Variants in TRPM5 observed in about 807,000 individuals in gnomAD.
TRPM5 encodes transient receptor potential cation channel subfamily M member 5, also known as MLSN1 and TRP-related.
In TRPM5, 121 loss-of-function variants were observed where a neutral mutation model predicts 124.9. That is an observed-to-expected ratio of 0.97 (90% CI 0.84 to 1.13). The LOEUF (loss-of-function observed/expected upper bound fraction) is 1.13. TRPM5 is among the 50% of genes most tolerant of loss of function. The pLI is 0.00. For synonymous variants in TRPM5, 781 were observed against 700.5 expected, an observed-to-expected ratio of 1.11 and a Z score of -1.81; for missense variants, 1,643 against 1,589.1, an observed-to-expected ratio of 1.03 and a Z score of -0.58.
chr11:2,415,118 C>T lies in TRPM5; in HGVS notation c.1479+3G>A. The T allele has an allele frequency of 3.8e-6, 6 of 1,568,670 alleles. No individual in the cohort carries two copies. The East Asian group carries it at 1.2e-4, about 30-fold the overall frequency. ...CCTCCATCCCCACGGAGCCCCCGCT[C>T]ACCGCCCTCCTGCGGTCCCCTGGCC... On this transcript the variant is annotated splice_donor_region_variant and intron_variant, in intron 9 of 23. Coordinates refer to ENST00000155858, the Ensembl canonical transcript of TRPM5.
chr11:2,439,999 T>C, the TRPM5 span, among the ~76,000 whole-genome samples: 2 of 152,106 alleles, frequency 1.3e-5, no homozygotes, highest in Non-Finnish European at 2.9e-5. Flanking sequence ...TATGCAGCCA[T>C]GAAAAAGAAT....
the TRPM5 span, among the ~76,000 whole-genome samples, chr11:2,430,134 C>T: frequency 6.6e-6 from 1 of 152,198 alleles, no homozygotes; most frequent in Non-Finnish European, 1.5e-5. Flanking sequence ...CCTTCCATGG[C>T]TCCCTATTAC....
chr11:2,417,578 A>G, intron 7 of TRPM5, 149 bp downstream of exon 12: 1 of 606,296 alleles, frequency 1.6e-6, no homozygotes, highest in Non-Finnish European at 2.9e-6. Context: ...TGCCAAATAC[A>G]GACAGCTTCA....
intron 8 of TRPM5, 98 bp downstream of exon 13, chr11:2,415,808 G>A (rs565545940): frequency 4.9e-5 from 44 of 905,820 alleles, no homozygotes; most frequent in Admixed American, 2.6e-4. Context: ...TGGGCAGAAC[G>A]GGCTCAGCCA....
chr11:2,414,915 A>G (rs767954200), exon 10 of TRPM5: 5 of 1,605,996 alleles, frequency 3.1e-6, no homozygotes, highest in Admixed American at 1.7e-5. Context: ...ACCATGGCCC[A>G]GAAGTAGGTG....
At chr11:2,424,739 G>A (rs111651216), upstream of TRPM5, among the ~76,000 whole-genome samples, 5 of 152,314 alleles carry the variant, frequency 3.3e-5, no homozygotes, top group African/African-American at 1.2e-4. Context: ...ACTCAGCACT[G>A]GTGGCCTCCA....
At chr11:2,438,603 G>A in the TRPM5 span, among the ~76,000 whole-genome samples, 1 of 152,094 alleles carries the variant, frequency 6.6e-6, no homozygotes, top group Non-Finnish European at 1.5e-5. This position sits in a 1 kb window ranked among gnomAD's most constrained non-coding sequence, Gnocchi z 5.9. Flanking sequence ...GGAGGTTGAG[G>A]CTGCAGTGAA....
the TRPM5 span, among the ~76,000 whole-genome samples, chr11:2,439,836 A>G: frequency 1.3e-5 from 2 of 152,190 alleles, no homozygotes; most frequent in East Asian, 1.9e-4. Context: ...CTGGATACAT[A>G]TACAAAAGAA....
chr11:2,407,360 T>TC (rs1565006338), intron 19 of TRPM5, 60 bp from the exon 25 acceptor site: 2 of 1,501,232 alleles, frequency 1.3e-6, no homozygotes, highest in Non-Finnish European at 1.8e-6. Flanking sequence ...GGGGGACGCA[T>TC]CCCCCTGCAC....
At position 2,405,609 on chromosome 11, in the gene TRPM5, A is replaced by G; in HGVS notation, c.3325-16T>C. 6.4e-7 allele frequency: 1 copy of G among 1,555,132 alleles called. No individual in the cohort carries two copies. The highest frequency in any genetic ancestry group is 8.7e-7 in the Non-Finnish European group (1 of 1,148,950). On this transcript the variant is annotated splice_polypyrimidine_tract_variant and intron_variant, in intron 22 of 23. Transcript: ENST00000155858. ...AGTAGTTGATCTGGAGAAGGGAAAC[A>G]CGTCCGGGAAGCTCCAGGGCTCTCT...
intron 8 of TRPM5, 53 bp downstream of exon 13, chr11:2,415,853 G>A (rs1043634337): frequency 2.9e-5 from 38 of 1,332,018 alleles, no homozygotes; most frequent in Admixed American, 1.4e-4. Flanking sequence ...GGCAGCGTGG[G>A]CAGCTCGGGC....
chr11:2,436,530 G>A, the TRPM5 span, among the ~76,000 whole-genome samples: 7 of 152,376 alleles, frequency 4.6e-5, no homozygotes, highest in South Asian at 1.4e-3. Context: ...AAAGGGCTAT[G>A]TGTGTAGGTG....
chr11:2,421,110 G>A, exon 3 of TRPM5: 3 of 1,546,618 alleles, frequency 1.9e-6, no homozygotes, highest in East Asian at 2.4e-5. Context: ...GGACCTTGGT[G>A]GACGTGCTGG....
At chr11:2,426,545 C>G (rs1012858458), upstream of TRPM5, among the ~76,000 whole-genome samples, 4 of 152,256 alleles carry the variant, frequency 2.6e-5, no homozygotes, top group Admixed American at 1.3e-4. Context: ...GGCAGCCCCC[C>G]AGACGGTGAA....
intron 12 of TRPM5, 93 bp from the exon 18 acceptor site, chr11:2,413,681 C>T (rs1000067819): frequency 8.2e-7 from 1 of 1,220,972 alleles, no homozygotes; most frequent in Admixed American, 2.2e-5. Flanking sequence ...GTGCCTGGCC[C>T]ACGTGAGCTG....
chr11:2,416,598 G>A (rs1245117600), intron 7 of TRPM5, among the ~76,000 whole-genome samples: 3 of 152,166 alleles, frequency 2.0e-5, no homozygotes, highest in African/African-American at 7.2e-5. Flanking sequence ...ACTGAGACTG[G>A]TGAGAAGAGG....
the TRPM5 span, among the ~76,000 whole-genome samples, chr11:2,444,417 C>T: frequency 1.5e-4 from 22 of 151,714 alleles, no homozygotes; most frequent in African/African-American, 5.3e-4. Context: ...GTCGTGGTAT[C>T]GGCCAGGCCT....
chr11:2,441,195 C>T, the TRPM5 span, among the ~76,000 whole-genome samples: 158 of 152,324 alleles, frequency 1.0e-3, 1 homozygote, highest in African/African-American at 3.6e-3. This position sits in a 1 kb window ranked among gnomAD's most constrained non-coding sequence, Gnocchi z 7.2. Context: ...CATGTGCACC[C>T]ACCGGAATGA....
rs552486100 is a variant in TRPM5, at chr11:2,413,596, G to A, written c.1891-8C>T. On this transcript the variant is annotated splice_polypyrimidine_tract_variant and splice_region_variant and intron_variant, in intron 12 of 23. Coordinates refer to ENST00000155858, the Ensembl canonical transcript of TRPM5. ...GATCCTGGTCAGGAAGGCCTGAGGTGAAGGCAAAACTGTCGGCTCCAACTC... is the reference window on the plus strand; with the variant it reads ...GATCCTGGTCAGGAAGGCCTGAGGTAAAGGCAAAACTGTCGGCTCCAACTC... 208 of 1,610,856 alleles carry A rather than the reference G, an allele frequency of 1.3e-4. 2 individuals carry two copies. In the South Asian group the frequency reaches 2.1e-3, roughly 16 times the overall value.
Sources: allele counts gnomAD v4.1 joint callset (sites outside exome capture counted in the v4.1 genomes callset), GRCh38; gene constraint gnomAD v4.1.1; non-coding constraint Gnocchi (gnomAD v3.1); transcripts MANE v1.5; gene names NCBI Gene and HGNC (gene_info 2026-07-23, HGNC 2026-07-21).